Variants in KARS1 observed in about 807,000 individuals in gnomAD.
The protein encoded by KARS1 is lysyl-tRNA synthetase 1.
In KARS1, 50 loss-of-function variants were observed where a neutral mutation model predicts 63.9. The ratio of observed to expected loss-of-function variants is 0.78; its 90% CI spans 0.62 to 0.99. The LOEUF (loss-of-function observed/expected upper bound fraction) is 0.99, where lower values mean the gene tolerates loss of function less well. Ranked by LOEUF, KARS1 falls within the 50% of genes least tolerant of loss-of-function variation. The pLI is 0.00. For synonymous variants in KARS1, 320 were observed against 264.6 expected (o/e 1.21, Z -2.03); for missense variants, 816 against 754.5 (o/e 1.08, Z -0.95).
intron 1 of KARS1, among the ~76,000 whole-genome samples, chr16:75,645,897 C>G (rs1356998670): frequency 6.6e-6 from 1 of 150,462 alleles, no homozygotes; most frequent in Non-Finnish European, 1.5e-5. Flanking sequence ...CAGTTTTTTC[C>G]GTTTACCTAA....
At chr16:75,646,089 G>A (rs1012021374) in intron 1 of KARS1, among the ~76,000 whole-genome samples, 1 of 152,088 alleles carries the variant, frequency 6.6e-6, no homozygotes, top group African/African-American at 2.4e-5. Context: ...TTTCTCTAAG[G>A]TAGCAGTCCA....
intron 1 of KARS1, among the ~76,000 whole-genome samples, chr16:75,646,886 T>C (rs1437087800): frequency 2.0e-5 from 3 of 152,148 alleles, no homozygotes; most frequent in East Asian, 1.9e-4. Flanking sequence ...ACCTGTGTTC[T>C]GTGGTTCAAA....
intron 7 of KARS1, among the ~76,000 whole-genome samples, chr16:75,633,023 G>C (rs1002085948): frequency 2.6e-5 from 4 of 152,092 alleles, no homozygotes; most frequent in East Asian, 1.9e-4. Flanking sequence ...GGCCCTCTTG[G>C]GGGGAGGTTG....
chr16:75,635,265 A>G (rs751215831), intron 6 of KARS1: 11 of 311,496 alleles, frequency 3.5e-5, no homozygotes, highest in Non-Finnish European at 6.3e-5. Context: ...GGAAGGATAC[A>G]TATCAAACTC....
At chr16:75,644,485 G>C in intron 1 of KARS1, 2 of 1,542,476 alleles carry the variant, frequency 1.3e-6, no homozygotes, top group East Asian at 4.6e-5. Context: ...ACAGAGATGT[G>C]GTGTCAGATG....
intron 3 of KARS1, among the ~76,000 whole-genome samples, chr16:75,638,533 T>C (rs1387331460): frequency 6.6e-6 from 1 of 151,674 alleles, no homozygotes; most frequent in Non-Finnish European, 1.5e-5. Context: ...CTGAAAGACA[T>C]GAAGAAAAAG....
chr16:75,635,993 C>T lies in KARS1; in HGVS notation c.588G>A (p.Leu196=), dbSNP rs146077589. The T allele has an allele frequency of 3.5e-5, 56 of 1,613,982 alleles. No individual in the cohort carries two copies. The African/African-American group carries it at 5.6e-4, about 16-fold the overall frequency. Residue 196 remains leucine, a synonymous_variant, in exon 5 of 14, where the codon CTG becomes CTA. Coordinates refer to ENST00000302445, the MANE Select transcript of KARS1 (RefSeq NM_005548.3). ...GNPGKTKKGE[L]SIIPYEITLL... is the part of the protein sequence containing the mutation. ...GTGTGATCTCATACGGAATGATGCTCAGCTCACCCTTCTTGGTTTTACCAG... is the reference window on the plus strand; with the variant it reads ...GTGTGATCTCATACGGAATGATGCTTAGCTCACCCTTCTTGGTTTTACCAG...
chr16:75,645,680 C>CT (rs1282347188), intron 1 of KARS1, among the ~76,000 whole-genome samples: 2 of 151,996 alleles, frequency 1.3e-5, no homozygotes, highest in African/African-American at 4.8e-5. Context: ...AATCCCGTCT[C>CT]TACTAAAACA....
intron 6 of KARS1, 143 bp from the exon 7 acceptor site, chr16:75,634,435 C>CA (rs1567500533): frequency 2.6e-6 from 2 of 780,550 alleles, no homozygotes; most frequent in Non-Finnish European, 2.1e-6. Flanking sequence ...AAGTGCTTGA[C>CA]AAAAAAGGAC....
Position 75,641,616 on chromosome 16 carries a change from T to A in KARS1, c.170A>T (p.Asn57Ile), listed in dbSNP as rs117041419. ...QLSQATAAAT[N>I]HTTDNGVGPE... ...ACCCACACCATTATCAGTGGTGTGG[T>A]TGGTGGCAGCAGCAGTGGCTTGGCT... is the stretch of plus-strand genomic sequence containing the variant. The change falls in exon 2 of 14, where the codon AAC (asparagine) becomes ATC (isoleucine). Residue 57 changes from asparagine (N) to isoleucine (I), a missense_variant. By Grantham distance (149) the Asn-to-Ile change is moderately radical. Transcript: ENST00000302445. The A allele has an allele frequency of 1.5e-5, 24 of 1,613,818 alleles. No individual in the cohort carries two copies. Among genetic ancestry groups the A allele is most frequent in the South Asian group, 7.7e-5 (7 of 91,082 alleles).
intron 6 of KARS1, among the ~76,000 whole-genome samples, chr16:75,635,048 T>C (rs2082148158): frequency 1.3e-5 from 2 of 152,224 alleles, no homozygotes; most frequent in Admixed American, 6.5e-5. Flanking sequence ...GAACAAATAA[T>C]GCAGCATTAA....
chr16:75,644,516 C>A (rs1249508119), intron 1 of KARS1: 4 of 1,308,206 alleles, frequency 3.1e-6, no homozygotes, highest in Non-Finnish European at 2.1e-6. Context: ...TATACATATA[C>A]CCAACCAACT....
At chr16:75,647,510 A>G in intron 1 of KARS1, 68 bp downstream of exon 1, 6 of 1,433,842 alleles carry the variant, frequency 4.2e-6, no homozygotes, top group Non-Finnish European at 5.8e-6. Context: ...CTTGGTGGGA[A>G]CCTCGCGGCG....
At chr16:75,634,011 A>T in intron 7 of KARS1, 162 bp downstream of exon 7, 1 of 785,430 alleles carries the variant, frequency 1.3e-6, no homozygotes, top group Admixed American at 1.7e-5. Flanking sequence ...CTTGTAGAGA[A>T]ATTCTGGAAG....
intron 4 of KARS1, among the ~76,000 whole-genome samples, 167 bp downstream of exon 4, chr16:75,636,287 T>C (rs2082160877): frequency 6.6e-6 from 1 of 152,158 alleles, no homozygotes; most frequent in African/African-American, 2.4e-5. Flanking sequence ...AGAGTAGTCA[T>C]TACTTTACAG....
In KARS1 at chr16:75,629,133, T is replaced by C; in HGVS notation, c.1551+282A>G. ...ACCTCCCAGCCCTAAGCCACCTTAA[T>C]ACATGTACAATCTAAGAAAATAATG... is the stretch of plus-strand genomic sequence containing the variant. On this transcript the variant is annotated intron_variant, in intron 12 of 13. Coordinates refer to ENST00000302445, the MANE Select transcript of KARS1 (RefSeq NM_005548.3). 1.0e-5 allele frequency: 5 copies of C among 489,496 alleles called. No homozygotes were observed. In the South Asian group the frequency reaches 1.0e-4, roughly 10 times the overall value. The allele number at this position is 489,496 out of a possible 1,614,324, so 30.3% of individuals were successfully genotyped here.
At position 75,634,177 on chromosome 16, in the gene KARS1, T is replaced by C; in HGVS notation, c.911A>G (p.His304Arg). The change falls in exon 7 of 14, where the codon CAT (histidine) becomes CGT (arginine). Residue 304 changes from histidine to arginine, a missense_variant. Physicochemically the swap from His to Arg is conservative, Grantham distance 29 (BLOSUM62 0). Transcript: ENST00000302445. ...GGGTGTACTATTACTGACTACCTTA[T>C]GATAGAGTTCTGGAGCAATTCTCAT... is the stretch of plus-strand genomic sequence containing the variant. ...LYMRIAPELY[H>R]KMLVVGGIDR... The C allele has an allele frequency of 1.2e-6, 2 of 1,613,874 alleles. No homozygotes were observed. Among genetic ancestry groups the C allele is most frequent in the Non-Finnish European group, 1.7e-6 (2 of 1,179,788 alleles).
chr16:75,628,568 C>G lies in KARS1; in HGVS notation c.1695+1G>C. The G allele has an allele frequency of 6.2e-7, 1 of 1,613,676 alleles. No homozygotes were observed. The highest frequency in any genetic ancestry group is 8.5e-7 in the Non-Finnish European group (1 of 1,179,954). ...GTGCTCTGTGGAGGGTTGCTACGTA[C>G]CTTGATGTTGTTGGAGTCCGTGAGA... On this transcript the variant is annotated splice_donor_variant, in intron 13 of 13. Transcript: ENST00000302445. LOFTEE classifies it high-confidence loss of function.
intron 6 of KARS1, 138 bp from the exon 7 acceptor site, chr16:75,634,430 C>G: frequency 1.2e-6 from 1 of 850,364 alleles, no homozygotes; most frequent in Non-Finnish European, 1.9e-6. Context: ...TGTGCAAGTG[C>G]TTGACAAAAA....
Sources: gnomAD v4.1 joint callset for allele counts (sites outside exome capture counted in the v4.1 genomes callset) on GRCh38, gnomAD v4.1.1 for gene constraint, MANE v1.5 for transcripts, NCBI Gene and HGNC (gene_info 2026-07-23, HGNC 2026-07-21) for gene names.